The following AGBL4 variants were observed in gnomAD, a reference collection of about 807,000 sequenced individuals.
The protein encoded by AGBL4 is cytosolic carboxypeptidase 6.
AGBL4 carries 58 observed loss-of-function variants against 66.4 expected under a neutral mutation model. The observed-to-expected ratio is 0.87, with a 90% CI of 0.71 to 1.09. The LOEUF is 1.09. Among genes scored for constraint, AGBL4 ranks in the 50% least tolerant of loss-of-function variants. The probability of loss-of-function intolerance (pLI) is 0.00; values close to 1 mark genes in which losing one functional copy is unlikely to be tolerated. For missense variants in AGBL4, 579 were observed against 631.0 expected (o/e 0.92, Z 0.88); for synonymous variants, 234 against 222.9 (o/e 1.05, Z -0.44).
intron 3 of AGBL4, among the ~76,000 whole-genome samples, chr1:49,550,927 A>G (rs1012977771): frequency 4.2e-4 from 64 of 152,120 alleles, no homozygotes; most frequent in African/African-American, 1.5e-3. Context: ...CTCCCTAGGA[A>G]CACCAATTAT....
intron 9 of AGBL4, among the ~76,000 whole-genome samples, chr1:48,610,256 T>C (rs1351300577): frequency 2.6e-5 from 4 of 152,220 alleles, no homozygotes; most frequent in Non-Finnish European, 4.4e-5. Flanking sequence ...GGATGGAAGC[T>C]GTGTCTAACT....
intron 3 of AGBL4, among the ~76,000 whole-genome samples, chr1:49,680,436 T>C (rs1381112277): frequency 6.6e-6 from 1 of 151,624 alleles, no homozygotes; most frequent in Non-Finnish European, 1.5e-5. Context: ...TAGTTTTCCT[T>C]CATTCATCTG....
chr1:48,565,161 T>C (rs1177946364), intron 11 of AGBL4, among the ~76,000 whole-genome samples: 1 of 152,186 alleles, frequency 6.6e-6, no homozygotes, highest in Non-Finnish European at 1.5e-5. Context: ...CGATGCCTCC[T>C]ACCAGGTAAG....
chr1:49,775,938 A>G (rs1261183314), intron 2 of AGBL4, among the ~76,000 whole-genome samples: 1 of 152,110 alleles, frequency 6.6e-6, no homozygotes, highest in African/African-American at 2.4e-5. Context: ...TTAATAGTGA[A>G]TTGGCTTTGG....
At chr1:48,700,282 CA>C (rs1320348164) in intron 6 of AGBL4, among the ~76,000 whole-genome samples, 2 of 152,208 alleles carry the variant, frequency 1.3e-5, no homozygotes, top group African/African-American at 4.8e-5. Context: ...GCAAGTTATC[CA>C]GCACATCCAG....
intron 8 of AGBL4, among the ~76,000 whole-genome samples, chr1:48,636,993 C>T (rs543075869): frequency 1.3e-5 from 2 of 152,218 alleles, no homozygotes; most frequent in South Asian, 4.2e-4. Flanking sequence ...GGTAGTGTTG[C>T]TGGGATAGAG....
intron 8 of AGBL4, among the ~76,000 whole-genome samples, chr1:48,649,789 A>T (rs1469937221): frequency 6.6e-6 from 1 of 152,172 alleles, no homozygotes; most frequent in Non-Finnish European, 1.5e-5. Flanking sequence ...AGTGAGGAGG[A>T]GGAAGAGAAG....
intron 6 of AGBL4, among the ~76,000 whole-genome samples, chr1:48,666,815 C>T (rs1307574019): frequency 6.6e-6 from 1 of 152,204 alleles, no homozygotes; most frequent in Non-Finnish European, 1.5e-5. Flanking sequence ...CATCCCATTG[C>T]AATAGCAATT....
At chr1:49,216,591 C>T (rs1649111847) in intron 4 of AGBL4, among the ~76,000 whole-genome samples, 1 of 152,120 alleles carries the variant, frequency 6.6e-6, no homozygotes, top group African/African-American at 2.4e-5. Flanking sequence ...CATGTGTTTG[C>T]TCTTTTTTAT....
intron 3 of AGBL4, among the ~76,000 whole-genome samples, chr1:49,449,653 C>T (rs1215169321): frequency 6.6e-6 from 1 of 151,938 alleles, no homozygotes; most frequent in Non-Finnish European, 1.5e-5. Flanking sequence ...TAGAGATTGC[C>T]TGCCACGAGC....
chr1:48,622,968 C>T (rs528709124), intron 9 of AGBL4, among the ~76,000 whole-genome samples: 3 of 152,138 alleles, frequency 2.0e-5, no homozygotes, highest in South Asian at 2.1e-4. Flanking sequence ...ATTGAGTCAA[C>T]GTTGAATTGA....
In AGBL4 at chr1:49,236,870, G is replaced by A. The variant is rs181625532; in HGVS notation, c.377+8900C>T. Among the ~76,000 whole-genome samples the A allele has an allele frequency of 1.8e-4, 27 of 152,042 alleles. No individual in the cohort carries two copies. In the East Asian group the frequency reaches 3.5e-3, roughly 20 times the overall value. ...TTGAATTATAATTCCCACAATTCCC[G>A]CATGTCATGGGAGAAACCTCGGTGG... On this transcript the variant is annotated intron_variant, in intron 4 of 13. Coordinates refer to ENST00000371839, the MANE Select transcript of AGBL4 (RefSeq NM_032785.4).
At chr1:48,962,791 T>C (rs1658107159) in intron 5 of AGBL4, among the ~76,000 whole-genome samples, 1 of 152,154 alleles carries the variant, frequency 6.6e-6, no homozygotes, top group Admixed American at 6.5e-5. Flanking sequence ...ATCCATTTCT[T>C]CAATTCTATA....
At chr1:49,078,958 C>T (rs1432171974) in intron 4 of AGBL4, among the ~76,000 whole-genome samples, 1 of 151,740 alleles carries the variant, frequency 6.6e-6, no homozygotes, top group Non-Finnish European at 1.5e-5. Context: ...AGTTCTACCT[C>T]TCATCCAACT....
intron 3 of AGBL4, among the ~76,000 whole-genome samples, chr1:49,388,265 A>G (rs911468594): frequency 2.0e-5 from 3 of 152,154 alleles, no homozygotes; most frequent in African/African-American, 7.2e-5. Context: ...TATAGGCCAT[A>G]GAGTGTCTGT....
chr1:48,724,510 A>G (rs1325788064), intron 6 of AGBL4, among the ~76,000 whole-genome samples: 1 of 152,216 alleles, frequency 6.6e-6, no homozygotes, highest in Non-Finnish European at 1.5e-5. Context: ...TAGAATTGAT[A>G]GTTATGAATT....
intron 6 of AGBL4, among the ~76,000 whole-genome samples, chr1:48,669,914 T>G (rs1459477543): frequency 6.6e-6 from 1 of 152,060 alleles, no homozygotes; most frequent in Non-Finnish European, 1.5e-5. Flanking sequence ...ACACCCCCAT[T>G]CCCTCCCGTA....
chr1:48,763,444 T>C (rs1644374554), intron 6 of AGBL4, among the ~76,000 whole-genome samples: 1 of 152,090 alleles, frequency 6.6e-6, no homozygotes, highest in Non-Finnish European at 1.5e-5. Flanking sequence ...GTACTTCAGA[T>C]GAAATTATCT....
chr1:48,927,923 C>T (rs1654726914), intron 5 of AGBL4, among the ~76,000 whole-genome samples: 1 of 152,190 alleles, frequency 6.6e-6, no homozygotes, highest in East Asian at 1.9e-4. Context: ...TCTTATGTGG[C>T]TCACAATGTG....
Sources: allele counts gnomAD v4.1 joint callset (sites outside exome capture counted in the v4.1 genomes callset), GRCh38; gene constraint gnomAD v4.1.1; transcripts MANE v1.5; gene names NCBI Gene and HGNC (gene_info 2026-07-23, HGNC 2026-07-21).